Variants in TSEN15 observed in about 807,000 individuals in gnomAD.
The protein encoded by TSEN15 is tRNA-splicing endonuclease subunit Sen15.
In TSEN15, 10 loss-of-function variants were observed where a neutral mutation model predicts 20.5. The observed-to-expected ratio is 0.49, with a 90% CI of 0.30 to 0.83. The LOEUF (loss-of-function observed/expected upper bound fraction) is 0.83. Among genes scored for constraint, TSEN15 ranks in the 40% least tolerant of loss-of-function variants. The probability of loss-of-function intolerance (pLI) is 0.06; values close to 1 mark genes in which losing one functional copy is unlikely to be tolerated. For synonymous variants in TSEN15, 72 were observed against 80.1 expected (o/e 0.90, Z 0.54); for missense variants, 180 against 218.6 (o/e 0.82, Z 1.11).
chr1:184,094,082 C>T (rs936994497), intron 3 of TSEN15: 6 of 152,226 alleles, frequency 3.9e-5, no homozygotes, highest in Admixed American at 3.3e-4. Flanking sequence ...CTCATAGGGT[C>T]GCTGAGCTAT....
intron 3 of TSEN15, among the ~76,000 whole-genome samples, chr1:184,085,679 G>C (rs1277158599): frequency 6.6e-6 from 1 of 152,216 alleles, no homozygotes; most frequent in Non-Finnish European, 1.5e-5. Context: ...GGAACAGCAA[G>C]TGCAAATGTC....
intron 1 of TSEN15, among the ~76,000 whole-genome samples, chr1:184,052,659 T>A (rs1650098114): frequency 6.6e-6 from 1 of 152,128 alleles, no homozygotes; most frequent in Non-Finnish European, 1.5e-5. Context: ...AAGAAAAAAT[T>A]TGAAGGTATA....
At chr1:184,064,482 G>A (rs1034399974) in intron 3 of TSEN15, among the ~76,000 whole-genome samples, 3 of 152,004 alleles carry the variant, frequency 2.0e-5, no homozygotes, top group Non-Finnish European at 4.4e-5. Flanking sequence ...TGTGATACAA[G>A]AGATATGGGA....
At chr1:184,081,338 C>T (rs1651163875) in intron 3 of TSEN15, among the ~76,000 whole-genome samples, 1 of 152,192 alleles carries the variant, frequency 6.6e-6, no homozygotes, top group Non-Finnish European at 1.5e-5. Context: ...GCCCTTTACT[C>T]TGGAAATCAG....
At chr1:184,053,617 C>A (rs748577524) in intron 1 of TSEN15, among the ~76,000 whole-genome samples, 2 of 152,206 alleles carry the variant, frequency 1.3e-5, no homozygotes, top group Non-Finnish European at 2.9e-5. Context: ...GCATATCCAC[C>A]TAGTCGCTGG....
chr1:184,058,122 A>G (rs1464750898), intron 3 of TSEN15: 1 of 427,326 alleles, frequency 2.3e-6, no homozygotes, highest in South Asian at 1.8e-5. Flanking sequence ...GTCTAGAAGT[A>G]CAAATTTGTT....
At chr1:184,094,516 G>C (rs566540978) in intron 3 of TSEN15, 5 of 152,632 alleles carry the variant, frequency 3.3e-5, no homozygotes, top group African/African-American at 1.2e-4. Context: ...GCTCCCACAG[G>C]GTCTGCCAAC....
chr1:184,066,158 A>C (rs1257179651), intron 3 of TSEN15, among the ~76,000 whole-genome samples: 2 of 152,092 alleles, frequency 1.3e-5, no homozygotes, highest in Non-Finnish European at 1.5e-5. Context: ...ATTTTTATGA[A>C]GGATATAAGG....
downstream of TSEN15, among the ~76,000 whole-genome samples, chr1:184,076,265 T>A (rs971637928): frequency 2.5e-4 from 38 of 152,078 alleles, no homozygotes; most frequent in Non-Finnish European, 5.9e-5. Flanking sequence ...TATTTTAAAC[T>A]TTTTTTATTA....
chr1:184,066,411 T>C (rs1199349694), intron 3 of TSEN15, among the ~76,000 whole-genome samples: 1 of 151,862 alleles, frequency 6.6e-6, no homozygotes, highest in Non-Finnish European at 1.5e-5. Context: ...TTTCTTTATG[T>C]GATTTTTTTG....
chr1:184,093,224 C>T (rs1651390530), intron 3 of TSEN15, among the ~76,000 whole-genome samples: 1 of 152,186 alleles, frequency 6.6e-6, no homozygotes, highest in African/African-American at 2.4e-5. Context: ...TCAATCACTG[C>T]CAGGCCTTTT....
chr1:184,052,086 A>G (rs1463988191), intron 1 of TSEN15, among the ~76,000 whole-genome samples, 196 bp downstream of exon 1: 1 of 152,140 alleles, frequency 6.6e-6, no homozygotes, highest in Non-Finnish European at 1.5e-5. Context: ...CACTATCTCA[A>G]TCCCCCAGCC....
chr1:184,089,663 T>C (rs976791943), intron 3 of TSEN15, among the ~76,000 whole-genome samples: 1 of 151,852 alleles, frequency 6.6e-6, no homozygotes, highest in Non-Finnish European at 1.5e-5. Flanking sequence ...AAATCATTCA[T>C]GAGGGTACTA....
At chr1:184,097,456 A>G (rs1651475674) in exon 4 of TSEN15, 1 of 152,238 alleles carries the variant, frequency 6.6e-6, no homozygotes, top group South Asian at 2.1e-4. Context: ...TTATTCCTTT[A>G]TCACAGATGG....
At chr1:184,092,181 C>T (rs550137262) in intron 3 of TSEN15, among the ~76,000 whole-genome samples, 2 of 152,286 alleles carry the variant, frequency 1.3e-5, no homozygotes, top group Non-Finnish European at 1.5e-5. Context: ...GCTAAGAACT[C>T]GTTTGCATGA....
At chr1:184,077,897 A>G (rs901516086), downstream of TSEN15, among the ~76,000 whole-genome samples, 2 of 152,196 alleles carry the variant, frequency 1.3e-5, no homozygotes, top group Non-Finnish European at 2.9e-5. Context: ...GATGGAATCT[A>G]CTTCTTGTGC....
chr1:184,090,497 CA>C (rs1160301735), intron 3 of TSEN15, among the ~76,000 whole-genome samples: 3 of 152,142 alleles, frequency 2.0e-5, no homozygotes, highest in African/African-American at 7.2e-5. Flanking sequence ...TTGATATAAA[CA>C]AAAAGGTCAC....
intron 4 of TSEN15, chr1:184,072,522 T>C: frequency 1.8e-6 from 1 of 557,244 alleles, no homozygotes; most frequent in Non-Finnish European, 3.0e-6. Context: ...TCCTTACTCT[T>C]TGGAGAATTT....
At chr1:184,057,958 C>CT (rs1002605753) in intron 3 of TSEN15, among the ~76,000 whole-genome samples, 4 of 152,060 alleles carry the variant, frequency 2.6e-5, no homozygotes, top group Admixed American at 2.6e-4. Context: ...TTACTTCTGT[C>CT]TTTTAATTAC....
Sources: allele counts gnomAD v4.1 joint callset (sites outside exome capture counted in the v4.1 genomes callset), GRCh38; gene constraint gnomAD v4.1.1; transcripts MANE v1.5; gene names NCBI Gene and HGNC (gene_info 2026-07-23, HGNC 2026-07-21).